CAMK2D: variants seen among roughly 807,000 people sequenced by gnomAD.
CAMK2D encodes the protein calcium/calmodulin dependent protein kinase II delta, also known as calcium/calmodulin-dependent protein kinase type II subunit delta.
Under a neutral mutation model 84.0 loss-of-function variants are expected in CAMK2D, and 37 were observed. The ratio of observed to expected loss-of-function variants is 0.44; its 90% CI spans 0.34 to 0.58. The LOEUF (loss-of-function observed/expected upper bound fraction) is 0.58, where lower values mean the gene tolerates loss of function less well. CAMK2D is among the 20% of genes least tolerant of loss of function. The pLI, the probability that CAMK2D is intolerant of heterozygous loss-of-function variation, is 0.02. For missense variants in CAMK2D, 448 were observed against 652.5 expected (o/e 0.69, Z 3.41); for synonymous variants, 202 against 212.5 (o/e 0.95, Z 0.43).
chr4:113,513,922 AGAG>A lies in CAMK2D; in HGVS notation c.820-12_820-10del, dbSNP rs777682790. 7.0e-7 allele frequency: 1 copy of A among 1,432,638 alleles called. No individual in the cohort carries two copies. The highest frequency in any genetic ancestry group is 9.7e-7 in the Non-Finnish European group (1 of 1,026,686). The allele number at this position is 1,432,638 out of a possible 1,614,324, so 88.7% of individuals were successfully genotyped here. ...GCAACAGTAGAACGTTGCTAGAAGA[AGAG>A]GAGAAAAAGTAACTTAATTGAGAAT... On this transcript the variant is annotated splice_polypyrimidine_tract_variant and intron_variant, in intron 10 of 20. Coordinates refer to ENST00000511664, the MANE Select transcript of CAMK2D (RefSeq NM_001321571.2).
intron 13 of CAMK2D, among the ~76,000 whole-genome samples, chr4:113,507,070 T>G (rs2098137540): frequency 6.6e-6 from 1 of 152,214 alleles, no homozygotes; most frequent in Non-Finnish European, 1.5e-5. Context: ...ATGTTTAATA[T>G]GCAGTTAAAG....
chr4:113,709,580 A>G (rs567707924), intron 2 of CAMK2D, among the ~76,000 whole-genome samples: 2 of 146,498 alleles, frequency 1.4e-5, no homozygotes, highest in East Asian at 3.9e-4. Flanking sequence ...GCTGTACTAG[A>G]GAATCACTAT....
At chr4:113,475,681 G>A (rs1352703516) in intron 16 of CAMK2D, among the ~76,000 whole-genome samples, 3 of 152,168 alleles carry the variant, frequency 2.0e-5, no homozygotes, top group African/African-American at 7.2e-5. Flanking sequence ...GACTCAAGAA[G>A]TCTCTTCTTC....
chr4:113,752,399 T>C (rs1370061334), intron 2 of CAMK2D, among the ~76,000 whole-genome samples: 2 of 152,148 alleles, frequency 1.3e-5, no homozygotes, highest in Non-Finnish European at 2.9e-5. Context: ...CCTAAGTTAT[T>C]TTTTCAACAA....
intron 2 of CAMK2D, among the ~76,000 whole-genome samples, chr4:113,674,285 C>T (rs1000167275): frequency 1.3e-5 from 2 of 151,996 alleles, no homozygotes; most frequent in African/African-American, 4.8e-5. Context: ...GAATAAAATT[C>T]CCCAGACTGA....
At chr4:113,641,542 G>C (rs188137614) in intron 3 of CAMK2D, among the ~76,000 whole-genome samples, 1 of 152,266 alleles carries the variant, frequency 6.6e-6, no homozygotes, top group East Asian at 1.9e-4. Context: ...GACCTGTTAC[G>C]AAAGTGATAA....
At chr4:113,702,675 G>A (rs896360116) in intron 2 of CAMK2D, among the ~76,000 whole-genome samples, 1 of 152,174 alleles carries the variant, frequency 6.6e-6, no homozygotes, top group African/African-American at 2.4e-5. Context: ...TTGGAAGGCT[G>A]AGGCAGGTGG....
At chr4:113,651,217 AAATT>A (rs1334133238) in intron 3 of CAMK2D, among the ~76,000 whole-genome samples, 1 of 152,188 alleles carries the variant, frequency 6.6e-6, no homozygotes, top group Admixed American at 6.5e-5. Context: ...CTAAATAATA[AAATT>A]AACAAGTTAT....
intron 2 of CAMK2D, among the ~76,000 whole-genome samples, chr4:113,676,725 A>T (rs1466162526): frequency 6.6e-6 from 1 of 152,182 alleles, no homozygotes; most frequent in Non-Finnish European, 1.5e-5. Flanking sequence ...CATTCTTATC[A>T]TCAAGGATGG....
intron 6 of CAMK2D, among the ~76,000 whole-genome samples, chr4:113,539,465 AGT>A (rs1253286840): frequency 1.3e-5 from 2 of 152,228 alleles, no homozygotes; most frequent in Non-Finnish European, 2.9e-5. Context: ...TAAAAAATTG[AGT>A]GTGTTTTCAC....
At chr4:113,647,005 T>C (rs950712219) in intron 3 of CAMK2D, among the ~76,000 whole-genome samples, 8 of 152,222 alleles carry the variant, frequency 5.3e-5, no homozygotes, top group Non-Finnish European at 8.8e-5. Flanking sequence ...CATGATAGCC[T>C]TACATAATTT....
intron 16 of CAMK2D, among the ~76,000 whole-genome samples, chr4:113,481,259 A>G (rs2097698104): frequency 1.3e-5 from 2 of 152,166 alleles, no homozygotes. Flanking sequence ...TCCTCTACCA[A>G]TTAAATATTT....
intron 6 of CAMK2D, among the ~76,000 whole-genome samples, chr4:113,545,602 G>A (rs543883194): frequency 2.0e-5 from 3 of 152,094 alleles, no homozygotes; most frequent in Admixed American, 6.6e-5. Context: ...GATTTGGCAC[G>A]TTCAAGAGGT....
At chr4:113,555,687 T>C (rs983645351) in intron 4 of CAMK2D, among the ~76,000 whole-genome samples, 4 of 152,178 alleles carry the variant, frequency 2.6e-5, no homozygotes, top group African/African-American at 9.6e-5. Flanking sequence ...TGCATGGTCA[T>C]CCAACACACT....
intron 19 of CAMK2D, 181 bp downstream of exon 19, chr4:113,457,154 T>G: frequency 7.0e-7 from 1 of 1,430,654 alleles, no homozygotes; most frequent in Non-Finnish European, 9.1e-7. Flanking sequence ...AACCCACAAA[T>G]GGCTGATCTG....
At chr4:113,600,607 G>A (rs975059943) in intron 4 of CAMK2D, among the ~76,000 whole-genome samples, 1 of 152,060 alleles carries the variant, frequency 6.6e-6, no homozygotes, top group Non-Finnish European at 1.5e-5. Flanking sequence ...ATCCAGATCT[G>A]TATTAAAAAG....
At chr4:113,519,942 A>T (rs1382943315) in intron 8 of CAMK2D, among the ~76,000 whole-genome samples, 1 of 152,172 alleles carries the variant, frequency 6.6e-6, no homozygotes, top group African/African-American at 2.4e-5. Context: ...CTTTTTCTTT[A>T]TCTATGAACT....
intron 3 of CAMK2D, among the ~76,000 whole-genome samples, chr4:113,649,370 T>C (rs1202257740): frequency 6.6e-6 from 1 of 152,224 alleles, no homozygotes; most frequent in Non-Finnish European, 1.5e-5. Context: ...TCTCCATTAT[T>C]ATTCTCAATC....
At chr4:113,465,186 C>T (rs1034044616) in intron 17 of CAMK2D, among the ~76,000 whole-genome samples, 1 of 152,112 alleles carries the variant, frequency 6.6e-6, no homozygotes, top group South Asian at 2.1e-4. Context: ...GTGTGCACCA[C>T]TATGCCTGAC....
Sources: allele counts gnomAD v4.1 joint callset (sites outside exome capture counted in the v4.1 genomes callset), GRCh38; gene constraint gnomAD v4.1.1; transcripts MANE v1.5; gene names NCBI Gene and HGNC (gene_info 2026-07-23, HGNC 2026-07-21).